The following NDP variants were observed in gnomAD, a reference collection of about 807,000 sequenced individuals.
NDP encodes the protein norrin cystine knot growth factor NDP, also known as norrin.
In NDP, 2 loss-of-function variants were observed where a neutral mutation model predicts 8.4. The observed-to-expected ratio is 0.24, with a 90% CI of 0.10 to 0.75. The LOEUF is 0.75. Among genes scored for constraint, NDP ranks in the 30% least tolerant of loss-of-function variants. NDP has a pLI of 0.73. For missense variants in NDP, 81 were observed against 110.1 expected (o/e 0.74, Z 1.18); for synonymous variants, 55 against 45.6 (o/e 1.21, Z -0.83).
Position 43,948,903 on chromosome X carries a change from A to G in NDP, c.*896T>C, listed in dbSNP as rs2035744283. ...CCACCATTTTGGCAACATGTTTCAC[A>G]TGGACAAGTGGATATTAGAGAATGA... On this transcript the variant is annotated 3_prime_UTR_variant, in exon 3 of 3. Transcript: ENST00000642620. 1 of 112,319 alleles carries G rather than the reference A, an allele frequency of 8.9e-6. No homozygotes were observed. Among genetic ancestry groups the G allele is most frequent in the African/African-American group, 3.2e-5 (1 of 30,887 alleles). 9.3% of individuals were successfully genotyped at this position (112,319 alleles called of 1,213,427 possible). A position where few individuals can be genotyped will look rare whatever the true frequency, so the allele number is the denominator to read the frequency against.
At chrX:43,960,337 G>A (rs982357653) in intron 1 of NDP, among the ~76,000 whole-genome samples, 3 of 111,426 alleles carry the variant, frequency 2.7e-5, no homozygotes, top group Non-Finnish European at 5.6e-5. Context: ...GGCATCTGCT[G>A]TCCCTTTGTG....
intron 1 of NDP, chrX:43,960,813 G>C (rs2035822135): frequency 8.9e-6 from 1 of 112,425 alleles, no homozygotes; most frequent in Non-Finnish European, 1.9e-5. Context: ...AATGGCAAAA[G>C]GATGAAGAGA....
intron 2 of NDP, among the ~76,000 whole-genome samples, chrX:43,955,758 CCT>C (rs749257554): frequency 1.8e-5 from 2 of 112,362 alleles, no homozygotes; most frequent in Admixed American, 1.9e-4. Flanking sequence ...TGCCTGACTC[CCT>C]CTCAGTCCTT....
chrX:43,956,527 G>T (rs2035793907), intron 2 of NDP, among the ~76,000 whole-genome samples: 1 of 111,861 alleles, frequency 8.9e-6, no homozygotes, highest in Non-Finnish European at 1.9e-5. Context: ...GCCCGAGAAT[G>T]TAAGAGTTAA....
intron 1 of NDP, among the ~76,000 whole-genome samples, chrX:43,959,152 T>C (rs1055383611): frequency 1.8e-5 from 2 of 111,950 alleles, no homozygotes; most frequent in Non-Finnish European, 3.8e-5. Context: ...ATTAAACATG[T>C]TGTTCTGGCA....
At chrX:43,968,363 A>G (rs940194388) in intron 1 of NDP, among the ~76,000 whole-genome samples, 3 of 112,648 alleles carry the variant, frequency 2.7e-5, no homozygotes, top group Admixed American at 9.3e-5. Context: ...GGAAGCTGGC[A>G]TCAGAAATAA....
intron 1 of NDP, among the ~76,000 whole-genome samples, chrX:43,964,806 C>T (rs747264380): frequency 6.6e-4 from 74 of 112,021 alleles, no homozygotes; most frequent in South Asian, 5.3e-3. Context: ...ACAGATTGGT[C>T]TAAATGCTTT....
In NDP at chrX:43,958,700, A is replaced by T; in HGVS notation, c.-55T>A. 9.2e-7 allele frequency: 1 copy of T among 1,086,036 alleles called. No homozygotes were observed. 89.5% of individuals were successfully genotyped at this position (1,086,036 alleles called of 1,213,427 possible). A position where few individuals can be genotyped will look rare whatever the true frequency, so the allele number is the denominator to read the frequency against. On this transcript the variant is annotated 5_prime_UTR_variant, in exon 2 of 3. Coordinates refer to ENST00000642620, the MANE Select transcript of NDP (RefSeq NM_000266.4). ...CAGCAGAGGGAGGCAGAGGACAAAA[A>T]ATTGGAAATGGCTTCACCTCCTAGG...
intron 1 of NDP, among the ~76,000 whole-genome samples, chrX:43,967,940 T>C (rs2035867947): frequency 2.7e-5 from 3 of 110,215 alleles, no homozygotes; most frequent in Non-Finnish European, 3.8e-5. Context: ...TTAGCTTTTG[T>C]GGAAAAAAAA....
At chrX:43,960,079 A>C (rs1033366689) in intron 1 of NDP, among the ~76,000 whole-genome samples, 2 of 111,718 alleles carry the variant, frequency 1.8e-5, no homozygotes, top group African/African-American at 6.5e-5. Flanking sequence ...AGGGGATCCT[A>C]AGTGGAAAGG....
At chrX:43,955,149 A>G (rs1425467834) in intron 2 of NDP, among the ~76,000 whole-genome samples, 2 of 112,237 alleles carry the variant, frequency 1.8e-5, no homozygotes, top group Non-Finnish European at 3.8e-5. Context: ...AAGAACTACA[A>G]TAAGGTTCAT....
At chrX:43,963,686 G>A (rs1206426375) in intron 1 of NDP, among the ~76,000 whole-genome samples, 1 of 112,100 alleles carries the variant, frequency 8.9e-6, no homozygotes, top group Non-Finnish European at 1.9e-5. Context: ...TTTAGAAAGT[G>A]TGAAGTGTTA....
At chrX:43,956,003 G>A (rs910225954) in intron 2 of NDP, among the ~76,000 whole-genome samples, 2 of 112,342 alleles carry the variant, frequency 1.8e-5, no homozygotes, top group African/African-American at 3.2e-5. Flanking sequence ...GAAGATCCAA[G>A]TAGTGGGAAG....
At chrX:43,969,961 C>A (rs1031252942) in intron 1 of NDP, among the ~76,000 whole-genome samples, 1 of 111,859 alleles carries the variant, frequency 8.9e-6, no homozygotes, top group Non-Finnish European at 1.9e-5. Context: ...CATGGCACTG[C>A]CAGTCTAGCT....
chrX:43,951,165 A>G (rs1237621074), intron 2 of NDP, among the ~76,000 whole-genome samples: 10 of 110,964 alleles, frequency 9.0e-5, no homozygotes, highest in Non-Finnish European at 1.9e-4. Context: ...TATAATCCCA[A>G]CACTTTGGAG....
intron 2 of NDP, among the ~76,000 whole-genome samples, chrX:43,951,806 G>T (rs1308950497): frequency 9.0e-6 from 1 of 111,675 alleles, no homozygotes; most frequent in Non-Finnish European, 1.9e-5. Flanking sequence ...AAACAGCAGG[G>T]CTTAGGGAAG....
At chrX:43,960,606 C>G (rs2035820973) in intron 1 of NDP, among the ~76,000 whole-genome samples, 2 of 112,067 alleles carry the variant, frequency 1.8e-5, no homozygotes, top group African/African-American at 3.2e-5. Flanking sequence ...TGAAAATTAC[C>G]AAGACAACAA....
chrX:43,963,582 C>A (rs748348915), intron 1 of NDP, among the ~76,000 whole-genome samples: 1 of 111,786 alleles, frequency 8.9e-6, no homozygotes, highest in Non-Finnish European at 1.9e-5. Context: ...GCAAAAACAT[C>A]AAAGATTTAT....
rs3788864 is a variant in NDP at position 43,962,731 on chromosome X, T to G, written c.-207-3879A>C. Among the ~76,000 whole-genome samples, 99 of 111,867 alleles carry G rather than the reference T, an allele frequency of 8.8e-4. 1 individual carries two copies. The East Asian group carries it at 0.02, about 23-fold the overall frequency. ...TGCTCTGGATACAGTCTCTGAGACA[T>G]GGACTTGGCCGACGTACAGAGCCCA... is the stretch of plus-strand genomic sequence containing the variant. On this transcript the variant is annotated intron_variant, in intron 1 of 2. Coordinates refer to ENST00000642620, the MANE Select transcript of NDP (RefSeq NM_000266.4).
Sources: allele counts gnomAD v4.1 joint callset (sites outside exome capture counted in the v4.1 genomes callset), GRCh38; gene constraint gnomAD v4.1.1; transcripts MANE v1.5; gene names NCBI Gene and HGNC (gene_info 2026-07-23, HGNC 2026-07-21).